The following GPC6 variants were observed in gnomAD, a reference collection of about 807,000 sequenced individuals.
GPC6 encodes the protein glypican-6.
Under a neutral mutation model 55.2 loss-of-function variants are expected in GPC6, and 14 were observed. The ratio of observed to expected loss-of-function variants is 0.25; its 90% CI spans 0.17 to 0.40. The LOEUF is 0.40. Among genes scored for constraint, GPC6 ranks in the 10% least tolerant of loss-of-function variants. GPC6 has a pLI of 1.00. For synonymous variants in GPC6, 278 were observed against 259.6 expected, an observed-to-expected ratio of 1.07 and a Z score of -0.68; for missense variants, 641 against 708.5, an observed-to-expected ratio of 0.90 and a Z score of 1.08.
At chr13:94,320,544 T>C (rs1876765547) in intron 6 of GPC6, among the ~76,000 whole-genome samples, 1 of 152,200 alleles carries the variant, frequency 6.6e-6, no homozygotes, top group Non-Finnish European at 1.5e-5. Context: ...TCCTAAGGAT[T>C]TTCCCTTGGG....
At position 94,219,014 on chromosome 13, in the gene GPC6, A is replaced by AATAGCCTC. The variant is rs565018680; in HGVS notation, c.878-67327_878-67320dup. 3.7e-3 allele frequency among the ~76,000 whole-genome samples: 566 copies of AATAGCCTC among 152,314 alleles called. 5 individuals are homozygous for AATAGCCTC. Among genetic ancestry groups the AATAGCCTC allele is most frequent in the Non-Finnish European group, 5.9e-3 (404 of 68,026 alleles). ...AAAAAATGATATGATATAGATGATA[A>AATAGCCTC]ATAGCCTCATAGCCTGAATTGATTC... On this transcript the variant is annotated intron_variant, in intron 4 of 8. Transcript: ENST00000377047.
intron 1 of GPC6, among the ~76,000 whole-genome samples, chr13:93,348,699 A>G (rs1880512580): frequency 1.3e-5 from 2 of 152,238 alleles, no homozygotes; most frequent in Admixed American, 1.3e-4. Flanking sequence ...GATGCTTTTG[A>G]TAGACTGCAA....
At chr13:94,191,221 T>G (rs984045721) in intron 4 of GPC6, among the ~76,000 whole-genome samples, 1 of 152,206 alleles carries the variant, frequency 6.6e-6, no homozygotes, top group Non-Finnish European at 1.5e-5. Flanking sequence ...ACTGACAGAC[T>G]TGAACATTTC....
chr13:93,321,910 A>G (rs368021954), intron 1 of GPC6, among the ~76,000 whole-genome samples: 43 of 152,258 alleles, frequency 2.8e-4, no homozygotes, highest in African/African-American at 1.0e-3. Flanking sequence ...CTAGAAGTAC[A>G]GAACTTCTCA....
chr13:93,544,427 A>G (rs1272189045), intron 1 of GPC6, among the ~76,000 whole-genome samples: 1 of 152,190 alleles, frequency 6.6e-6, no homozygotes, highest in East Asian at 1.9e-4. Flanking sequence ...TTTATTTAGC[A>G]AGACATTGGG....
chr13:93,523,480 TACAC>T (rs1388955655), intron 1 of GPC6, among the ~76,000 whole-genome samples: 1 of 151,524 alleles, frequency 6.6e-6, no homozygotes, highest in African/African-American at 2.4e-5. Context: ...TTTACACACA[TACAC>T]ATACATATAT....
intron 1 of GPC6, among the ~76,000 whole-genome samples, chr13:93,428,079 G>A (rs1018253983): frequency 3.9e-5 from 6 of 152,018 alleles, no homozygotes; most frequent in Admixed American, 6.6e-5. Context: ...TTTGAACCTC[G>A]TACCATCCTA....
chr13:94,016,991 T>C (rs1227063580), intron 3 of GPC6, among the ~76,000 whole-genome samples: 4 of 152,030 alleles, frequency 2.6e-5, no homozygotes, highest in Non-Finnish European at 5.9e-5. Context: ...CCCGCCACCA[T>C]GCCCAGCTAA....
At chr13:93,715,412 T>C (rs912726951) in intron 2 of GPC6, among the ~76,000 whole-genome samples, 2 of 151,234 alleles carry the variant, frequency 1.3e-5, no homozygotes, top group Admixed American at 6.6e-5. Flanking sequence ...AAATATTGGG[T>C]ACTTGAGGAC....
upstream of GPC6, among the ~76,000 whole-genome samples, chr13:93,224,576 G>C (rs1287206353): frequency 6.6e-6 from 1 of 152,166 alleles, no homozygotes; most frequent in African/African-American, 2.4e-5. Context: ...TAGGATTCCA[G>C]CCATTAGCTG....
chr13:94,055,142 C>G (rs1049699521), intron 4 of GPC6, among the ~76,000 whole-genome samples: 2 of 152,198 alleles, frequency 1.3e-5, no homozygotes, highest in Non-Finnish European at 2.9e-5. Flanking sequence ...CTGTTAGCCC[C>G]ACACCTAGGT....
At chr13:93,338,697 A>G (rs1880128168) in intron 1 of GPC6, among the ~76,000 whole-genome samples, 1 of 152,182 alleles carries the variant, frequency 6.6e-6, no homozygotes, top group Non-Finnish European at 1.5e-5. Flanking sequence ...CTTAATCACC[A>G]TCATTAGTGG....
chr13:93,791,310 A>G (rs1197544258), intron 2 of GPC6, among the ~76,000 whole-genome samples: 1 of 152,228 alleles, frequency 6.6e-6, no homozygotes, highest in Non-Finnish European at 1.5e-5. Context: ...AAAAAACTGC[A>G]GTGCAAGAAA....
At chr13:94,264,485 C>T (rs1030223163) in intron 4 of GPC6, among the ~76,000 whole-genome samples, 1 of 152,150 alleles carries the variant, frequency 6.6e-6, no homozygotes, top group Non-Finnish European at 1.5e-5. Flanking sequence ...TCCTTTCTTT[C>T]AGCATATATT....
chr13:94,141,114 G>C (rs921494779), intron 4 of GPC6, among the ~76,000 whole-genome samples: 1 of 152,084 alleles, frequency 6.6e-6, no homozygotes, highest in Admixed American at 6.6e-5. Context: ...TCACCAATGT[G>C]GGTGAGTTAC....
chr13:93,690,707 T>C (rs997003537), intron 2 of GPC6, among the ~76,000 whole-genome samples: 8 of 152,052 alleles, frequency 5.3e-5, no homozygotes, highest in African/African-American at 1.9e-4. Flanking sequence ...CCTATAAACT[T>C]CTGGTTGCCC....
At chr13:94,013,262 A>C (rs530555803) in intron 3 of GPC6, among the ~76,000 whole-genome samples, 33 of 152,104 alleles carry the variant, frequency 2.2e-4, no homozygotes, top group Non-Finnish European at 3.8e-4. Context: ...TAAATGCTAA[A>C]TTTGGAAATA....
At chr13:93,385,608 C>A (rs188762815) in intron 1 of GPC6, among the ~76,000 whole-genome samples, 10 of 152,262 alleles carry the variant, frequency 6.6e-5, no homozygotes, top group African/African-American at 1.9e-4. Context: ...ACTCGACAAT[C>A]TGAAACGTGG....
At chr13:94,140,238 C>T (rs1372656183) in intron 4 of GPC6, among the ~76,000 whole-genome samples, 3 of 152,120 alleles carry the variant, frequency 2.0e-5, no homozygotes, top group East Asian at 1.9e-4. Context: ...GATGTAGTAC[C>T]GCAGGGACTG....
Sources: gnomAD v4.1 joint callset for allele counts (sites outside exome capture counted in the v4.1 genomes callset) on GRCh38, gnomAD v4.1.1 for gene constraint, MANE v1.5 for transcripts, NCBI Gene and HGNC (gene_info 2026-07-23, HGNC 2026-07-21) for gene names.